TENM3: variants seen among roughly 807,000 people sequenced by gnomAD.
The protein encoded by TENM3 is teneurin-3.
A neutral mutation model predicts 255.1 loss-of-function variants in TENM3; 63 were observed. The ratio of observed to expected loss-of-function variants is 0.25; its 90% CI spans 0.20 to 0.30. TENM3 has a LOEUF of 0.30. Ranked by LOEUF, TENM3 falls within the 10% of genes least tolerant of loss-of-function variation. The pLI, the probability that TENM3 is intolerant of heterozygous loss-of-function variation, is 1.00. For synonymous variants in TENM3, 1,306 were observed against 1,322.3 expected (o/e 0.99, Z 0.27); for missense variants, 2,929 against 3,461.1 (o/e 0.85, Z 3.86).
intron 6 of TENM3, among the ~76,000 whole-genome samples, chr4:182,655,605 C>T (rs538697136): frequency 3.3e-5 from 5 of 152,230 alleles, no homozygotes; most frequent in Middle Eastern, 3.4e-3. Context: ...CTTTGGGCGG[C>T]GTGCTTGGTT....
At chr4:181,895,398 C>T in the TENM3 span, among the ~76,000 whole-genome samples, 46 of 152,088 alleles carry the variant, frequency 3.0e-4, no homozygotes, top group African/African-American at 1.1e-3. Context: ...ATTAGCTATT[C>T]CAGTAATAAA....
chr4:182,187,554 T>C (rs561149591), intron 1 of TENM3, among the ~76,000 whole-genome samples: 1 of 152,272 alleles, frequency 6.6e-6, no homozygotes, highest in African/African-American at 2.4e-5. Context: ...CCCACCCGCT[T>C]TTTTTAAAGG....
the TENM3 span, among the ~76,000 whole-genome samples, chr4:182,075,472 A>C: frequency 6.6e-6 from 1 of 152,152 alleles, no homozygotes; most frequent in Non-Finnish European, 1.5e-5. Flanking sequence ...TGCTGGGATT[A>C]CAGGTATGAG....
At chr4:182,059,492 A>G in the TENM3 span, among the ~76,000 whole-genome samples, 2 of 152,116 alleles carry the variant, frequency 1.3e-5, no homozygotes, top group East Asian at 1.9e-4. Context: ...TAAAAAAAGG[A>G]ACAAATGTTT....
At chr4:182,559,553 A>G (rs1742928235) in intron 3 of TENM3, among the ~76,000 whole-genome samples, 1 of 152,298 alleles carries the variant, frequency 6.6e-6, no homozygotes, top group South Asian at 2.1e-4. Flanking sequence ...AAATGGCAAC[A>G]TGAGAGCTGA....
chr4:181,793,896 C>A, the TENM3 span, among the ~76,000 whole-genome samples: 2 of 152,096 alleles, frequency 1.3e-5, no homozygotes, highest in African/African-American at 4.8e-5. Context: ...TATTGTATTT[C>A]CCATTATTTA....
rs70954298 is a variant in TENM3, at chr4:182,186,762, C to CATATATATATATAT, written c.-76+42047_-76+42060dup. 8.7e-4 allele frequency among the ~76,000 whole-genome samples: 24 copies of CATATATATATATAT among 27,476 alleles called. 1 individual carries two copies. The highest frequency in any genetic ancestry group is 1.3e-3 in the Non-Finnish European group (17 of 13,516). 18.0% of individuals were successfully genotyped at this position (27,476 alleles called of 152,430 possible). ...TTGGGTAAGAAATATACTAATGCATCATATATATATATATATATATATATA... is the reference window on the plus strand; with the variant it reads ...TTGGGTAAGAAATATACTAATGCATCATATATATATATATATATATATATATATATATATATATA... On this transcript the variant is annotated intron_variant, in intron 1 of 2. Coordinates refer to the TENM3 transcript ENST00000512480.
In TENM3 at chr4:182,679,807, A is replaced by G. The variant is rs372048348; in HGVS notation, c.1468A>G (p.Ile490Val). ...AGFIQYLDSG[I>V]WHLAFYNDGK... ...CTTTATCCAGTACTTGGATTCTGGA[A>G]TCTGGCATCTGGCTTTTTATAATGA... The change falls in exon 8 of 28, where the codon ATC (isoleucine) becomes GTC (valine). Residue 490 changes from isoleucine to valine, a missense_variant. Physicochemically the swap from Ile to Val is conservative, Grantham distance 29 (BLOSUM62 3). Transcript: ENST00000511685. 6.2e-7 allele frequency: 1 copy of G among 1,613,816 alleles called. No individual in the cohort carries two copies. Among genetic ancestry groups the G allele is most frequent in the Non-Finnish European group, 8.5e-7 (1 of 1,179,870 alleles).
At chr4:182,697,671 C>T (rs1757532649) in intron 12 of TENM3, among the ~76,000 whole-genome samples, 1 of 152,156 alleles carries the variant, frequency 6.6e-6, no homozygotes, top group Admixed American at 6.5e-5. Flanking sequence ...ACAGTATCCA[C>T]TGGCAGCTAT....
chr4:181,612,490 ATGTGTGTG>A, the TENM3 span, among the ~76,000 whole-genome samples: 89 of 148,444 alleles, frequency 6.0e-4, no homozygotes, highest in African/African-American at 2.0e-3. Context: ...TTTGGTTAAG[ATGTGTGTG>A]TGTGTGTGTG....
At chr4:181,894,818 G>C in the TENM3 span, among the ~76,000 whole-genome samples, 2 of 152,100 alleles carry the variant, frequency 1.3e-5, no homozygotes, top group Non-Finnish European at 2.9e-5. Context: ...ACAGAGTTAG[G>C]TGTCTGAGCA....
chr4:182,716,737 T>C (rs911145193), intron 13 of TENM3, among the ~76,000 whole-genome samples: 4 of 152,242 alleles, frequency 2.6e-5, no homozygotes, highest in Non-Finnish European at 2.9e-5. Context: ...ACAGAATGTT[T>C]AGGAACTATA....
intron 5 of TENM3, among the ~76,000 whole-genome samples, chr4:182,643,483 A>G (rs1468670663): frequency 2.0e-5 from 3 of 152,234 alleles, no homozygotes; most frequent in African/African-American, 7.2e-5. Flanking sequence ...TTAACATCAT[A>G]GAATATAAAT....
chr4:181,741,553 C>A, the TENM3 span, among the ~76,000 whole-genome samples: 1 of 152,172 alleles, frequency 6.6e-6, no homozygotes, highest in African/African-American at 2.4e-5. Flanking sequence ...TAACTGAAAA[C>A]TCAGCATGCT....
At chr4:181,543,070 TG>T in the TENM3 span, among the ~76,000 whole-genome samples, 1 of 152,206 alleles carries the variant, frequency 6.6e-6, no homozygotes, top group African/African-American at 2.4e-5. Flanking sequence ...GAAAATCTAC[TG>T]TGAAATTTGA....
the TENM3 span, among the ~76,000 whole-genome samples, chr4:181,546,381 A>T: frequency 0.5 from 76,633 of 151,958 alleles, 20,942 homozygotes; most frequent in African/African-American, 0.68. Context: ...AAACACATTT[A>T]TTATCACGTT....
chr4:181,784,656 C>T, the TENM3 span, among the ~76,000 whole-genome samples: 18 of 152,250 alleles, frequency 1.2e-4, no homozygotes, highest in African/African-American at 4.3e-4. Context: ...AGTGTTTTCA[C>T]GGGAGAATTT....
At chr4:181,605,552 A>AAAGAAAGAAAGAAAG in the TENM3 span, among the ~76,000 whole-genome samples, 2 of 29,466 alleles carry the variant, frequency 6.8e-5, no homozygotes, top group African/African-American at 1.6e-4. Flanking sequence ...GAAAGAAAGA[A>AAAGAAAGAAAGAAAG]AGAAAGAAAG....
At chr4:182,695,410 A>G (rs965030752) in intron 12 of TENM3, among the ~76,000 whole-genome samples, 2 of 152,204 alleles carry the variant, frequency 1.3e-5, no homozygotes, top group Non-Finnish European at 2.9e-5. Flanking sequence ...ACACTCCAAC[A>G]TCCTCTCCAC....
Sources: allele counts gnomAD v4.1 joint callset (sites outside exome capture counted in the v4.1 genomes callset), GRCh38; gene constraint gnomAD v4.1.1; transcripts MANE v1.5; gene names NCBI Gene and HGNC (gene_info 2026-07-23, HGNC 2026-07-21).